Variants in GRIN2B observed in about 807,000 individuals in gnomAD.
GRIN2B encodes the protein glutamate ionotropic receptor NMDA type subunit 2B.
In GRIN2B, 5 loss-of-function variants were observed where a neutral mutation model predicts 114.5. That is an observed-to-expected ratio of 0.04 (90% CI 0.02 to 0.09). The LOEUF is 0.09. Ranked by LOEUF, GRIN2B falls within the 10% of genes least tolerant of loss-of-function variation. GRIN2B has a pLI of 1.00. For synonymous variants in GRIN2B, 787 were observed against 745.1 expected (o/e 1.06, Z -0.92); for missense variants, 1,108 against 1,943.5 (o/e 0.57, Z 8.08).
At chr12:13,673,277 C>A (rs1250233134) in intron 5 of GRIN2B, among the ~76,000 whole-genome samples, 1 of 152,096 alleles carries the variant, frequency 6.6e-6, no homozygotes, top group Non-Finnish European at 1.5e-5. Context: ...GGGACGGGAC[C>A]TACAAAGGCA....
intron 3 of GRIN2B, among the ~76,000 whole-genome samples, chr12:13,863,151 A>T (rs975327319): frequency 6.6e-6 from 1 of 152,190 alleles, no homozygotes; most frequent in Non-Finnish European, 1.5e-5. Flanking sequence ...CATTACAGTG[A>T]CCTAGAAGAA....
chr12:13,964,640 T>C (rs1055756270), intron 2 of GRIN2B, among the ~76,000 whole-genome samples: 7 of 152,196 alleles, frequency 4.6e-5, no homozygotes, highest in Admixed American at 1.3e-4. Context: ...TCATGTGGAA[T>C]TTGAGGCATT....
intron 5 of GRIN2B, among the ~76,000 whole-genome samples, chr12:13,629,973 A>G (rs949488721): frequency 6.6e-6 from 1 of 152,148 alleles, no homozygotes; most frequent in South Asian, 2.1e-4. Context: ...TACCGTGTGC[A>G]TATCTCGGCC....
chr12:13,871,743 T>G (rs1256210439), intron 2 of GRIN2B, among the ~76,000 whole-genome samples: 1 of 143,820 alleles, frequency 7.0e-6, no homozygotes, highest in East Asian at 2.0e-4. Flanking sequence ...GGAGAGAAAA[T>G]GCGAATGAAA....
At chr12:13,699,637 G>C (rs929300078) in intron 4 of GRIN2B, among the ~76,000 whole-genome samples, 1 of 151,788 alleles carries the variant, frequency 6.6e-6, no homozygotes, top group Admixed American at 6.6e-5. Context: ...TGCCAGGCCG[G>C]AGTGAAGTAG....
At chr12:13,700,449 A>G (rs1054765368) in intron 4 of GRIN2B, among the ~76,000 whole-genome samples, 1 of 152,160 alleles carries the variant, frequency 6.6e-6, no homozygotes, top group Admixed American at 6.5e-5. Context: ...GTCTACTTCT[A>G]TCTTCCCCCA....
chr12:13,710,300 T>C (rs1055827155), intron 4 of GRIN2B, among the ~76,000 whole-genome samples: 2 of 152,074 alleles, frequency 1.3e-5, no homozygotes, highest in African/African-American at 4.8e-5. Flanking sequence ...CTGGAAGCAT[T>C]CCCTTTGAAA....
intron 10 of GRIN2B, among the ~76,000 whole-genome samples, chr12:13,605,593 A>G (rs1949236445): frequency 8.1e-6 from 1 of 122,782 alleles, no homozygotes; most frequent in South Asian, 2.7e-4. Flanking sequence ...ACCTGTCTTC[A>G]TTCTATAAAA....
chr12:13,847,064 T>A (rs79395116), intron 3 of GRIN2B, among the ~76,000 whole-genome samples: 1 of 152,076 alleles, frequency 6.6e-6, no homozygotes, highest in Non-Finnish European at 1.5e-5. Flanking sequence ...GCTAAGAACA[T>A]AGAACTAATA....
chr12:13,933,059 C>T (rs902025881), intron 2 of GRIN2B, among the ~76,000 whole-genome samples: 1 of 151,822 alleles, frequency 6.6e-6, no homozygotes, highest in East Asian at 1.9e-4. Flanking sequence ...ATAGCTACAG[C>T]TTACAGCTCT....
intron 5 of GRIN2B, among the ~76,000 whole-genome samples, chr12:13,652,742 G>A (rs963542814): frequency 1.3e-5 from 2 of 152,158 alleles, no homozygotes; most frequent in Non-Finnish European, 1.5e-5. Context: ...AGAGTCAAAG[G>A]TCTGTCTCTG....
chr12:13,736,034 T>C (rs1359242494), intron 4 of GRIN2B, among the ~76,000 whole-genome samples: 1 of 151,736 alleles, frequency 6.6e-6, no homozygotes, highest in Non-Finnish European at 1.5e-5. Flanking sequence ...TGCTTGCTTT[T>C]CCCACTTCTC....
chr12:13,643,224 G>T (rs940909573), intron 5 of GRIN2B, among the ~76,000 whole-genome samples: 4 of 152,074 alleles, frequency 2.6e-5, no homozygotes, highest in African/African-American at 7.2e-5. Flanking sequence ...AGTACCAGGT[G>T]TACCTAGGAG....
chr12:13,658,736 T>C (rs1949891789), intron 5 of GRIN2B, among the ~76,000 whole-genome samples: 2 of 151,996 alleles, frequency 1.3e-5, no homozygotes, highest in African/African-American at 4.8e-5. Context: ...AGAGCTACAT[T>C]GTTCTGTGAT....
rs534186799 is a variant in GRIN2B at position 13,591,763 on chromosome 12, CAAAGGTTAATATATTTTT to C, written c.2010+16822_2010+16839del. Among the ~76,000 whole-genome samples the C allele has an allele frequency of 3.1e-4, 47 of 152,182 alleles. No homozygotes were observed. In the East Asian group the frequency reaches 9.1e-3, roughly 29 times the overall value. ...TAATATTGCAAAAGAACACATAATA[CAAAGGTTAATATATTTTT>C]GGCTTTGGACTGCAATTTTCAATAG... is the stretch of plus-strand genomic sequence containing the variant. On this transcript the variant is annotated intron_variant, in intron 10 of 13. Coordinates refer to ENST00000609686, the MANE Select transcript of GRIN2B (RefSeq NM_000834.5).
chr12:13,680,557 GT>G (rs1950121095), intron 4 of GRIN2B, among the ~76,000 whole-genome samples: 1 of 150,974 alleles, frequency 6.6e-6, no homozygotes, highest in Admixed American at 6.6e-5. Flanking sequence ...GCCTCATATA[GT>G]TCTAATATTA....
intron 10 of GRIN2B, 36 bp from the exon 11 acceptor site, chr12:13,572,000 G>A: frequency 6.6e-7 from 1 of 1,511,298 alleles, no homozygotes; most frequent in Non-Finnish European, 9.2e-7. Flanking sequence ...CAGAGCGGGA[G>A]ATGGAGGGAG....
In GRIN2B at chr12:13,771,449, A is replaced by C. The variant is rs536187430; in HGVS notation, c.412-17534T>G. The stretch of plus-strand genomic sequence containing the variant: ...TAAGTAGCCAAGGTAACAAAGCAAT[A>C]ATTTCAAAACAGAGCAGAAGCATAT... On this transcript the variant is annotated intron_variant, in intron 3 of 13. Coordinates refer to ENST00000609686, the MANE Select transcript of GRIN2B (RefSeq NM_000834.5). 4.5e-4 allele frequency among the ~76,000 whole-genome samples: 69 copies of C among 152,334 alleles called. No homozygotes were observed. In the South Asian group the frequency reaches 0.013, roughly 28 times the overall value.
At chr12:13,800,508 C>A (rs1404783566) in intron 3 of GRIN2B, among the ~76,000 whole-genome samples, 3 of 152,194 alleles carry the variant, frequency 2.0e-5, no homozygotes, top group African/African-American at 7.2e-5. Context: ...TTTCTGCATG[C>A]ACAAATTTAC....
Sources: allele counts gnomAD v4.1 joint callset (sites outside exome capture counted in the v4.1 genomes callset), GRCh38; gene constraint gnomAD v4.1.1; transcripts MANE v1.5; gene names NCBI Gene and HGNC (gene_info 2026-07-23, HGNC 2026-07-21).